Variants in ZDHHC18 observed in about 807,000 individuals in gnomAD.
ZDHHC18 encodes the protein zDHHC palmitoyltransferase 18.
In ZDHHC18, 23 loss-of-function variants were observed where a neutral mutation model predicts 37.5. The ratio of observed to expected loss-of-function variants is 0.61; its 90% CI spans 0.44 to 0.87. The LOEUF (loss-of-function observed/expected upper bound fraction) is 0.87. Ranked by LOEUF, ZDHHC18 falls within the 40% of genes least tolerant of loss-of-function variation. ZDHHC18 has a pLI of 0.00. For synonymous variants in ZDHHC18, 185 were observed against 218.7 expected (o/e 0.85, Z 1.36); for missense variants, 406 against 525.6 (o/e 0.77, Z 2.22).
rs548450880 is a variant in ZDHHC18, at chr1:26,836,276, C to T, written c.496+3669C>T. On this transcript the variant is annotated intron_variant, in intron 2 of 7. Transcript: ENST00000374142. ...ATACACCAGCTCCCAGACCCCATCT[C>T]CTTTGTCTCCAGGACGTCTCTGCCC... Among the ~76,000 whole-genome samples, 6 of 152,318 alleles carry T rather than the reference C, an allele frequency of 3.9e-5. No individual in the cohort carries two copies. The East Asian group carries it at 1.2e-3, about 29-fold the overall frequency.
Position 26,843,289 on chromosome 1 carries a change from C to T in ZDHHC18, c.497-5319C>T, listed in dbSNP as rs564422960. Reference sequence around the variant, plus strand: ...TCCCGAGTAGCTGGAATTATAGGCACGCACCACCACACCCGGCTAACTTTT... The same window carrying T: ...TCCCGAGTAGCTGGAATTATAGGCATGCACCACCACACCCGGCTAACTTTT... On this transcript the variant is annotated intron_variant, in intron 2 of 7. Coordinates refer to ENST00000374142, the MANE Select transcript of ZDHHC18 (RefSeq NM_032283.3). Among the ~76,000 whole-genome samples, 19 of 151,226 alleles carry T rather than the reference C, an allele frequency of 1.3e-4. No homozygotes were observed. The East Asian group carries it at 2.2e-3, about 17-fold the overall frequency.
chr1:26,851,359 C>A, intron 6 of ZDHHC18, 128 bp downstream of exon 6: 1 of 827,190 alleles, frequency 1.2e-6, no homozygotes, highest in South Asian at 1.5e-5. Context: ...TTTTAAGCAG[C>A]CAGATGCCTC....
intron 1 of ZDHHC18, among the ~76,000 whole-genome samples, chr1:26,831,019 G>T (rs1466501227): frequency 1.3e-5 from 2 of 152,118 alleles, no homozygotes; most frequent in South Asian, 2.1e-4. Flanking sequence ...CTGACCTCAG[G>T]TATCCGCCCA....
chr1:26,834,170 C>T (rs548340766), intron 2 of ZDHHC18, among the ~76,000 whole-genome samples: 56 of 152,324 alleles, frequency 3.7e-4, no homozygotes, highest in African/African-American at 1.2e-3. Flanking sequence ...CCAGCTCAGC[C>T]GGACCCAGAG....
intron 2 of ZDHHC18, among the ~76,000 whole-genome samples, chr1:26,837,382 A>G (rs2081617136): frequency 6.8e-6 from 1 of 147,720 alleles, no homozygotes; most frequent in African/African-American, 2.5e-5. Context: ...TTTTACATCT[A>G]TATTTAATAT....
rs1162725342 is a variant in ZDHHC18, at chr1:26,832,207, C to T, written c.336-240C>T. On this transcript the variant is annotated intron_variant, in intron 1 of 7. Coordinates refer to ENST00000374142, the MANE Select transcript of ZDHHC18 (RefSeq NM_032283.3). ...GTTAGGAGTGCTGGGATCTATTGGA[C>T]ACATCTGCCATGTGCTCTGGAGGAA... The T allele has an allele frequency of 3.7e-5, 19 of 520,128 alleles. No homozygotes were observed. In the Admixed American group the frequency reaches 6.4e-4, roughly 17 times the overall value. The allele number at this position is 520,128 out of a possible 1,614,324, so 32.2% of individuals were successfully genotyped here. A position where few individuals can be genotyped will look rare whatever the true frequency, so the allele number is the denominator to read the frequency against.
At chr1:26,835,411 A>G (rs995509824) in intron 2 of ZDHHC18, among the ~76,000 whole-genome samples, 23 of 152,194 alleles carry the variant, frequency 1.5e-4, no homozygotes, top group African/African-American at 4.6e-4. Context: ...AAAGTAAAAC[A>G]TATTTCCCAG....
chr1:26,847,332 C>G (rs1203920442), intron 2 of ZDHHC18, among the ~76,000 whole-genome samples: 1 of 152,148 alleles, frequency 6.6e-6, no homozygotes, highest in Non-Finnish European at 1.5e-5. Context: ...CCACCTCAGC[C>G]TCCTTAGTAG....
chr1:26,831,333 G>A (rs762194966), intron 1 of ZDHHC18, among the ~76,000 whole-genome samples: 1 of 152,210 alleles, frequency 6.6e-6, no homozygotes, highest in Non-Finnish European at 1.5e-5. Flanking sequence ...GGAGCAAGAC[G>A]AGAGTTTTGT....
rs2081731446 is a variant in ZDHHC18, at chr1:26,855,828, A to C, written c.*1985A>C. ...GTTCTTTCCTGGGGAGACTGTGAGAAGGCAGGCAGCCCAGTGATCTGGCTA... is the reference window on the plus strand; with the variant it reads ...GTTCTTTCCTGGGGAGACTGTGAGACGGCAGGCAGCCCAGTGATCTGGCTA... On this transcript the variant is annotated 3_prime_UTR_variant, in exon 8 of 8. Coordinates refer to ENST00000374142, the MANE Select transcript of ZDHHC18 (RefSeq NM_032283.3). The C allele has an allele frequency of 6.0e-6, 1 of 165,856 alleles. No individual in the cohort carries two copies. Among genetic ancestry groups the C allele is most frequent in the African/African-American group, 2.4e-5 (1 of 42,160 alleles). The allele number at this position is 165,856 out of a possible 1,614,324, so 10.3% of individuals were successfully genotyped here. A position where few individuals can be genotyped will look rare whatever the true frequency, so the allele number is the denominator to read the frequency against.
rs769674159 is a variant in ZDHHC18, at chr1:26,827,094, C to A, written c.290C>A (p.Thr97Lys). Residue 97 changes from threonine to lysine, a missense_variant, in exon 1 of 8, where the codon ACG becomes AAG. By Grantham distance (78) the Thr-to-Lys change is moderately conservative. Transcript: ENST00000374142. ...GGCCACGGCGGCGTCTTCGCGCTCA[C>A]GCTGCTGCTCATCCTCACCACCACC... ...LAGHGGVFAL[T>K]LLLILTTTGL... 2.1e-6 allele frequency: 3 copies of A among 1,405,984 alleles called. No homozygotes were observed. Among genetic ancestry groups the A allele is most frequent in the Non-Finnish European group, 2.8e-6 (3 of 1,082,260 alleles). The allele number at this position is 1,405,984 out of a possible 1,614,324, so 87.1% of individuals were successfully genotyped here.
chr1:26,846,066 T>C (rs1315963109), intron 2 of ZDHHC18, among the ~76,000 whole-genome samples: 1 of 151,836 alleles, frequency 6.6e-6, no homozygotes, highest in Non-Finnish European at 1.5e-5. Flanking sequence ...TCCATGAATA[T>C]GCTATATCTC....
chr1:26,832,653 A>G (rs1354117962), intron 2 of ZDHHC18, 46 bp downstream of exon 2: 3 of 1,597,622 alleles, frequency 1.9e-6, no homozygotes, highest in African/African-American at 2.7e-5. Flanking sequence ...ATAGCTCCAC[A>G]TTCCCTGACT....
chr1:26,837,281 A>C, intron 2 of ZDHHC18, among the ~76,000 whole-genome samples: 1 of 147,036 alleles, frequency 6.8e-6, no homozygotes, highest in Non-Finnish European at 1.5e-5. Flanking sequence ...TATATATAAA[A>C]TATACATTTA....
intron 2 of ZDHHC18, among the ~76,000 whole-genome samples, chr1:26,839,871 G>A (rs2081629630): frequency 6.6e-6 from 1 of 152,224 alleles, no homozygotes; most frequent in Non-Finnish European, 1.5e-5. Flanking sequence ...TGTCCGGTCT[G>A]AGAATCAGCA....
Position 26,832,499 on chromosome 1 carries a change from A to T in ZDHHC18, c.388A>T (p.Ile130Phe), listed in dbSNP as rs779187355. 1 of 1,613,974 alleles carries T rather than the reference A, an allele frequency of 6.2e-7. No individual in the cohort carries two copies. The highest frequency in any genetic ancestry group is 1.1e-5 in the South Asian group (1 of 91,064). The stretch of plus-strand genomic sequence containing the variant: ...CCTTGCCATCCCCATCATCGCTGCC[A>T]TCCTCTTCTTCTTCGTCATGAGCTG... ...LTLAIPIIAA[I>F]LFFFVMSCLL... The change falls in exon 2 of 8, where the codon ATC becomes TTC. Residue 130 changes from isoleucine (I) to phenylalanine (F), a missense_variant. Physicochemically the swap from Ile to Phe is conservative, Grantham distance 21 (BLOSUM62 0). Transcript: ENST00000374142.
chr1:26,852,608 T>G, intron 6 of ZDHHC18, 145 bp from the exon 7 acceptor site: 1 of 653,266 alleles, frequency 1.5e-6, no homozygotes, highest in Non-Finnish European at 2.6e-6. Context: ...CACATTCTCA[T>G]TGAATGGCCC....
rs2081730970 is a variant in ZDHHC18 at position 26,855,719 on chromosome 1, T to C, written c.*1876T>C. On this transcript the variant is annotated 3_prime_UTR_variant, in exon 8 of 8. Transcript: ENST00000374142. ...GTAATAAAACTTCAGTTTATAAGAGTTGCTTTGCTTTGGTTTGGTTTTTGT... is the reference window on the plus strand; with the variant it reads ...GTAATAAAACTTCAGTTTATAAGAGCTGCTTTGCTTTGGTTTGGTTTTTGT... The C allele has an allele frequency of 6.5e-6, 1 of 154,188 alleles. No individual in the cohort carries two copies. Among genetic ancestry groups the C allele is most frequent in the Non-Finnish European group, 1.4e-5 (1 of 69,056 alleles). 9.6% of individuals were successfully genotyped at this position (154,188 alleles called of 1,614,324 possible). A position where few individuals can be genotyped will look rare whatever the true frequency, so the allele number is the denominator to read the frequency against.
In ZDHHC18 at chr1:26,850,370, C is replaced by A. The variant is rs200669393; in HGVS notation, c.716C>A (p.Ala239Glu). The change falls in exon 4 of 8, where the codon GCG becomes GAG. Residue 239 changes from alanine to glutamate, a missense_variant. Physicochemically the swap from Ala to Glu is moderately radical, Grantham distance 107 (BLOSUM62 -1). Coordinates refer to ENST00000374142, the MANE Select transcript of ZDHHC18 (RefSeq NM_032283.3). This position sits in a 1 kb window ranked among gnomAD's most constrained non-coding sequence, Gnocchi z 6.1. ...AGACGGAACTATCGCTTCTTCTACGCGTTTATTCTCTCCCTCTCATTCCTG... is the reference window on the plus strand; with the variant it reads ...AGACGGAACTATCGCTTCTTCTACGAGTTTATTCTCTCCCTCTCATTCCTG... The part of the protein sequence containing the change: ...VGRRNYRFFY[A>E]FILSLSFLTA... 6.2e-7 allele frequency: 1 copy of A among 1,614,130 alleles called. No homozygotes were observed. Among genetic ancestry groups the A allele is most frequent in the Non-Finnish European group, 8.5e-7 (1 of 1,180,062 alleles).
Sources: gnomAD v4.1 joint callset for allele counts (sites outside exome capture counted in the v4.1 genomes callset) on GRCh38, gnomAD v4.1.1 for gene constraint, Gnocchi (gnomAD v3.1) non-coding constraint, MANE v1.5 for transcripts, NCBI Gene and HGNC (gene_info 2026-07-23, HGNC 2026-07-21) for gene names.